Variants in HDX observed in about 807,000 individuals in gnomAD.
The protein encoded by HDX is chromosome X open reading frame 43.
A neutral mutation model predicts 45.2 loss-of-function variants in HDX; 19 were observed. The ratio of observed to expected loss-of-function variants is 0.42; its 90% CI spans 0.29 to 0.62. HDX has a LOEUF of 0.62. Among genes scored for constraint, HDX ranks in the 20% least tolerant of loss-of-function variants. HDX has a pLI of 0.20. For synonymous variants in HDX, 188 were observed against 172.8 expected, an observed-to-expected ratio of 1.09 and a Z score of -0.69; for missense variants, 532 against 493.9, an observed-to-expected ratio of 1.08 and a Z score of -0.73.
At chrX:84,409,734 G>C (rs1164617397) in intron 5 of HDX, among the ~76,000 whole-genome samples, 2 of 70,009 alleles carry the variant, frequency 2.9e-5, no homozygotes, top group Non-Finnish European at 5.2e-5. Context: ...GGGGTGGGGG[G>C]AGGGGGAGGG....
At chrX:84,409,682 A>C (rs1453848330) in intron 5 of HDX, among the ~76,000 whole-genome samples, 1 of 88,961 alleles carries the variant, frequency 1.1e-5, no homozygotes, top group Non-Finnish European at 2.2e-5. Context: ...ATGAGAACAC[A>C]TGGACACAGG....
At chrX:84,343,481 T>C (rs2037130996) in intron 7 of HDX, among the ~76,000 whole-genome samples, 1 of 110,224 alleles carries the variant, frequency 9.1e-6, no homozygotes, top group Non-Finnish European at 1.9e-5. Flanking sequence ...AGAGATGAGG[T>C]CTCATTATGT....
chrX:84,430,638 A>T (rs1232649105), intron 5 of HDX, among the ~76,000 whole-genome samples: 2 of 109,393 alleles, frequency 1.8e-5, no homozygotes, highest in African/African-American at 6.6e-5. Flanking sequence ...TCCCACCAAC[A>T]ATTTATAAGA....
rs533340100 is a variant in HDX, at chrX:84,437,088, G to A, written c.1305+3444C>T. Among the ~76,000 whole-genome samples the A allele has an allele frequency of 3.6e-5, 4 of 110,950 alleles. No homozygotes were observed. In the South Asian group the frequency reaches 1.1e-3, roughly 31 times the overall value. ...AAATTCACCTCACCTGTAGAGATATGCATAGAATGAAAGTTAAAGGATGGA... is the reference window on the plus strand; with the variant it reads ...AAATTCACCTCACCTGTAGAGATATACATAGAATGAAAGTTAAAGGATGGA... On this transcript the variant is annotated intron_variant, in intron 5 of 10. Transcript: ENST00000373177.
chrX:84,487,471 T>A (rs898472519), intron 2 of HDX, among the ~76,000 whole-genome samples: 5 of 112,460 alleles, frequency 4.4e-5, no homozygotes, highest in Non-Finnish European at 7.5e-5. Context: ...ATACTTTTTT[T>A]AAAAAACTTC....
intron 5 of HDX, among the ~76,000 whole-genome samples, chrX:84,418,881 C>G (rs2039179951): frequency 9.0e-6 from 1 of 110,775 alleles, no homozygotes; most frequent in African/African-American, 3.3e-5. Flanking sequence ...AGACCCCTTC[C>G]TTTAGCTTAA....
chrX:84,399,539 A>C (rs2038647783), intron 5 of HDX, among the ~76,000 whole-genome samples: 1 of 111,453 alleles, frequency 9.0e-6, no homozygotes, highest in South Asian at 3.7e-4. Context: ...TGAATAGACC[A>C]ATAACAAGTT....
intron 5 of HDX, among the ~76,000 whole-genome samples, chrX:84,427,565 T>C (rs1451221276): frequency 1.8e-5 from 2 of 111,404 alleles, no homozygotes; most frequent in African/African-American, 6.5e-5. Flanking sequence ...ATGTGCTCTC[T>C]TTTTAATCTG....
At chrX:84,354,303 T>TATC in intron 6 of HDX, among the ~76,000 whole-genome samples, 1 of 111,793 alleles carries the variant, frequency 8.9e-6, no homozygotes, top group East Asian at 2.8e-4. Flanking sequence ...CATTTCTAAG[T>TATC]ATCTTTCTAT....
intron 5 of HDX, 81 bp downstream of exon 5, chrX:84,440,451 A>G: frequency 1.5e-6 from 1 of 676,352 alleles, no homozygotes; most frequent in South Asian, 2.3e-5. Flanking sequence ...AGCTTTACAA[A>G]TATGGCAATT....
chrX:84,418,659 G>T (rs2039174647), intron 5 of HDX, among the ~76,000 whole-genome samples: 1 of 111,462 alleles, frequency 9.0e-6, no homozygotes, highest in African/African-American at 3.3e-5. Context: ...ATAGTAAAAA[G>T]AGTCCAGTAA....
chrX:84,500,285 A>G (rs772735669), intron 1 of HDX: 14 of 98,409 alleles, frequency 1.4e-4, no homozygotes, highest in African/African-American at 5.8e-4. Flanking sequence ...ATACTGCTTC[A>G]TTTCCCAGGA....
intron 4 of HDX, 41 bp downstream of exon 4, chrX:84,468,431 C>T: frequency 1.1e-6 from 1 of 883,116 alleles, no homozygotes; most frequent in South Asian, 2.7e-5. Flanking sequence ...TGGATACACA[C>T]ACAGTTTTTA....
intron 5 of HDX, among the ~76,000 whole-genome samples, chrX:84,362,361 G>A (rs1684880993): frequency 1.8e-5 from 2 of 111,187 alleles, no homozygotes; most frequent in Admixed American, 1.9e-4. Context: ...ATCAGGAAAA[G>A]CTAGGTCAAA....
At chrX:84,477,814 G>A (rs376560961) in intron 2 of HDX, among the ~76,000 whole-genome samples, 5 of 111,598 alleles carry the variant, frequency 4.5e-5, no homozygotes, top group East Asian at 5.6e-4. Flanking sequence ...ACAAATGGTC[G>A]GTTCCCTGGA....
At chrX:84,370,340 G>A (rs2037863054) in intron 5 of HDX, among the ~76,000 whole-genome samples, 1 of 111,835 alleles carries the variant, frequency 8.9e-6, no homozygotes, top group Non-Finnish European at 1.9e-5. Context: ...ACTGAGGATT[G>A]TGAGACCTCT....
intron 2 of HDX, 95 bp downstream of exon 2, chrX:84,487,929 T>A (rs2040827017): frequency 8.9e-6 from 1 of 111,915 alleles, no homozygotes; most frequent in Non-Finnish European, 1.9e-5. Flanking sequence ...GCTATTGCAG[T>A]TTTAGCCAGT....
chrX:84,380,309 C>A (rs1448116941), intron 5 of HDX, among the ~76,000 whole-genome samples: 1 of 109,253 alleles, frequency 9.2e-6, no homozygotes, highest in Non-Finnish European at 1.9e-5. Context: ...GACCTAGTAC[C>A]AATCCTACTT....
At chrX:84,333,496 C>T (rs911395278) in intron 9 of HDX, among the ~76,000 whole-genome samples, 2 of 110,954 alleles carry the variant, frequency 1.8e-5, no homozygotes, top group Non-Finnish European at 3.8e-5. Context: ...TTCATGTTGG[C>T]CATGACCAAG....
Sources: gnomAD v4.1 joint callset for allele counts (sites outside exome capture counted in the v4.1 genomes callset) on GRCh38, gnomAD v4.1.1 for gene constraint, MANE v1.5 for transcripts, NCBI Gene and HGNC (gene_info 2026-07-23, HGNC 2026-07-21) for gene names.